Variants in ZNF704 observed in about 807,000 individuals in gnomAD.
ZNF704 encodes glucocorticoid induced gene 1.
ZNF704 carries 10 observed loss-of-function variants against 44.7 expected under a neutral mutation model. That is an observed-to-expected ratio of 0.22 (90% CI 0.14 to 0.38). The LOEUF (loss-of-function observed/expected upper bound fraction) is 0.38, where lower values mean the gene tolerates loss of function less well. Ranked by LOEUF, ZNF704 falls within the 10% of genes least tolerant of loss-of-function variation. The probability of loss-of-function intolerance (pLI) is 1.00; values close to 1 mark genes in which losing one functional copy is unlikely to be tolerated. For missense variants in ZNF704, 390 were observed against 545.5 expected (o/e 0.71, Z 2.84); for synonymous variants, 211 against 207.6 (o/e 1.02, Z -0.14).
At chr8:80,757,952 C>T (rs898111649) in intron 2 of ZNF704, among the ~76,000 whole-genome samples, 1 of 152,110 alleles carries the variant, frequency 6.6e-6, no homozygotes, top group Non-Finnish European at 1.5e-5. Flanking sequence ...TCTCAGAATG[C>T]CTATCCCCAT....
At chr8:80,772,963 A>G (rs1342799382) in intron 2 of ZNF704, among the ~76,000 whole-genome samples, 1 of 152,148 alleles carries the variant, frequency 6.6e-6, no homozygotes, top group Non-Finnish European at 1.5e-5. Flanking sequence ...TTCATTTAGT[A>G]TAATGCATTT....
rs904559795 is a variant in ZNF704, at chr8:80,745,037, C to T, written c.222-51930G>A. Among the ~76,000 whole-genome samples the T allele has an allele frequency of 3.3e-5, 5 of 152,248 alleles. No homozygotes were observed. In the East Asian group the frequency reaches 9.6e-4, roughly 29 times the overall value. ...GAAAAACATTTACAATTTGAATGATCAACTTTTAAAATGTTTAAGTTTAGA... is the reference window on the plus strand; with the variant it reads ...GAAAAACATTTACAATTTGAATGATTAACTTTTAAAATGTTTAAGTTTAGA... On this transcript the variant is annotated intron_variant, in intron 2 of 8. Coordinates refer to ENST00000327835, the MANE Select transcript of ZNF704 (RefSeq NM_001033723.3).
chr8:80,796,864 G>GA (rs1194967188), intron 2 of ZNF704, among the ~76,000 whole-genome samples: 1 of 141,816 alleles, frequency 7.1e-6, no homozygotes, highest in African/African-American at 2.9e-5. Context: ...AAAGAGAAAT[G>GA]AAAGAGAGAA....
intron 2 of ZNF704, among the ~76,000 whole-genome samples, chr8:80,711,158 C>T (rs574593103): frequency 1.3e-5 from 2 of 152,334 alleles, no homozygotes; most frequent in Non-Finnish European, 2.9e-5. Context: ...GTGGTTCCTA[C>T]TGTACTTCCA....
chr8:80,700,060 T>C (rs939661936), intron 2 of ZNF704, among the ~76,000 whole-genome samples: 1 of 152,240 alleles, frequency 6.6e-6, no homozygotes, highest in East Asian at 1.9e-4. Flanking sequence ...CTCCTGGTTC[T>C]TTGAGGCACA....
At chr8:80,877,410 A>G (rs2130097058), upstream of ZNF704, among the ~76,000 whole-genome samples, 1 of 152,326 alleles carries the variant, frequency 6.6e-6, no homozygotes, top group South Asian at 2.1e-4. Flanking sequence ...TTAACTCATC[A>G]GGAATCAAGA....
chr8:80,739,272 G>C (rs958163091), intron 2 of ZNF704, among the ~76,000 whole-genome samples: 1 of 152,182 alleles, frequency 6.6e-6, no homozygotes, highest in African/African-American at 2.4e-5. Flanking sequence ...TTATACATCA[G>C]GTGCTCAGAT....
chr8:80,790,403 G>A (rs1807684225), intron 2 of ZNF704, among the ~76,000 whole-genome samples: 1 of 152,106 alleles, frequency 6.6e-6, no homozygotes. Context: ...GGATGAGTTA[G>A]GAATGCCTGA....
chr8:80,728,414 C>T (rs1306362919), intron 2 of ZNF704, among the ~76,000 whole-genome samples: 2 of 152,160 alleles, frequency 1.3e-5, no homozygotes, highest in African/African-American at 2.4e-5. Context: ...GGCCAAGAAA[C>T]CACAGATGAT....
chr8:80,629,855 T>C lies in ZNF704; in HGVS notation c.*11511A>G, dbSNP rs991711334. On this transcript the variant is annotated 3_prime_UTR_variant, in exon 9 of 9. Coordinates refer to ENST00000327835, the MANE Select transcript of ZNF704 (RefSeq NM_001033723.3). ...GTTCACTTCATGCAGTTTTGTTTGCTTGTTAATCCAGTGTTACTAGAACAT... is the reference window on the plus strand; with the variant it reads ...GTTCACTTCATGCAGTTTTGTTTGCCTGTTAATCCAGTGTTACTAGAACAT... The C allele has an allele frequency of 2.6e-5, 4 of 152,252 alleles. No homozygotes were observed. The highest frequency in any genetic ancestry group is 5.9e-5 in the Non-Finnish European group (4 of 68,046). 9.4% of individuals were successfully genotyped at this position (152,252 alleles called of 1,614,324 possible).
chr8:80,699,412 AT>A (rs1818774800), intron 2 of ZNF704, among the ~76,000 whole-genome samples: 1 of 152,122 alleles, frequency 6.6e-6, no homozygotes, highest in Non-Finnish European at 1.5e-5. Context: ...AGAAAAAAAA[AT>A]CAAAGGGAAG....
intron 2 of ZNF704, among the ~76,000 whole-genome samples, chr8:80,778,843 T>C (rs1807462101): frequency 6.6e-6 from 1 of 152,014 alleles, no homozygotes; most frequent in South Asian, 2.1e-4. Context: ...TGACAGACAC[T>C]GGGGCCTACT....
intron 2 of ZNF704, among the ~76,000 whole-genome samples, chr8:80,752,633 C>T (rs1806963856): frequency 6.6e-6 from 1 of 152,144 alleles, no homozygotes; most frequent in South Asian, 2.1e-4. Context: ...CTTCCACCTC[C>T]CGGGTTCAAG....
chr8:80,691,489 C>A (rs1585956822), intron 3 of ZNF704, among the ~76,000 whole-genome samples: 1 of 152,220 alleles, frequency 6.6e-6, no homozygotes, highest in Non-Finnish European at 1.5e-5. Flanking sequence ...AAACCACACT[C>A]TCCTGGTCTT....
chr8:80,684,094 C>T (rs1376989683), intron 4 of ZNF704, among the ~76,000 whole-genome samples: 7 of 152,136 alleles, frequency 4.6e-5, no homozygotes, highest in African/African-American at 1.7e-4. Context: ...TACCTGTTTG[C>T]CTGTTTTACA....
intron 2 of ZNF704, among the ~76,000 whole-genome samples, chr8:80,787,126 T>C (rs1050635132): frequency 6.6e-5 from 10 of 152,228 alleles, no homozygotes; most frequent in Admixed American, 2.0e-4. Flanking sequence ...AGAAAAGATT[T>C]TGTGCACTAT....
intron 3 of ZNF704, among the ~76,000 whole-genome samples, chr8:80,692,382 A>C (rs1197686340): frequency 6.6e-6 from 1 of 152,240 alleles, no homozygotes; most frequent in Non-Finnish European, 1.5e-5. Flanking sequence ...AGGCAAGCAT[A>C]GTATTTGTTT....
intron 2 of ZNF704, among the ~76,000 whole-genome samples, chr8:80,817,349 T>C (rs1049455005): frequency 2.6e-5 from 4 of 152,242 alleles, no homozygotes; most frequent in African/African-American, 9.6e-5. Flanking sequence ...AGCTCCCACA[T>C]GCTGCTCCCA....
At chr8:80,659,324 C>T (rs1282842503) in intron 7 of ZNF704, among the ~76,000 whole-genome samples, 1 of 152,152 alleles carries the variant, frequency 6.6e-6, no homozygotes, top group East Asian at 1.9e-4. Flanking sequence ...ACACTACCAA[C>T]ACACAAAAAA....
Sources: gnomAD v4.1 joint callset for allele counts (sites outside exome capture counted in the v4.1 genomes callset) on GRCh38, gnomAD v4.1.1 for gene constraint, MANE v1.5 for transcripts, NCBI Gene and HGNC (gene_info 2026-07-23, HGNC 2026-07-21) for gene names.